The following CCDC18 variants were observed in gnomAD, a reference collection of about 807,000 sequenced individuals.
CCDC18 encodes the protein coiled-coil domain containing 18.
Under a neutral mutation model 196.0 loss-of-function variants are expected in CCDC18, and 157 were observed. The ratio of observed to expected loss-of-function variants is 0.80; its 90% CI spans 0.70 to 0.91. The LOEUF (loss-of-function observed/expected upper bound fraction) is 0.91. CCDC18 is among the 40% of genes least tolerant of loss of function. The pLI, the probability that CCDC18 is intolerant of heterozygous loss-of-function variation, is 0.00. For synonymous variants in CCDC18, 482 were observed against 529.2 expected (o/e 0.91, Z 1.22); for missense variants, 1,465 against 1,611.6 (o/e 0.91, Z 1.56).
chr1:93,266,332 G>A (rs1001953400), intron 27 of CCDC18, among the ~76,000 whole-genome samples: 2 of 152,144 alleles, frequency 1.3e-5, no homozygotes, highest in African/African-American at 4.8e-5. Context: ...ATGCCCACAA[G>A]AGAAAGCAGG....
chr1:93,180,590 G>A (rs769272707), upstream of CCDC18: 19 of 1,383,574 alleles, frequency 1.4e-5, no homozygotes, highest in Non-Finnish European at 1.8e-5. Context: ...GTCCCGGGCG[G>A]GCTCCGCTAG....
chr1:93,186,456 A>T lies in CCDC18; in HGVS notation c.415A>T (p.Thr139Ser). 1 of 1,611,114 alleles carries T rather than the reference A, an allele frequency of 6.2e-7. No homozygotes were observed. The highest frequency in any genetic ancestry group is 8.5e-7 in the Non-Finnish European group (1 of 1,178,288). ...CLVTQNHSLM[T>S]KFESIHFELT... ...GGTCACACAGAATCATTCCTTAATGACTAAATTTGAATCTATTCACTTTGA... is the reference window on the plus strand; with the variant it reads ...GGTCACACAGAATCATTCCTTAATGTCTAAATTTGAATCTATTCACTTTGA... Residue 139 changes from threonine (T) to serine (S), a missense_variant, in exon 4 of 29, where the codon ACT becomes TCT. Transcript: ENST00000690025.
At chr1:93,249,576 TC>T (rs1661959913) in intron 23 of CCDC18, among the ~76,000 whole-genome samples, 1 of 152,148 alleles carries the variant, frequency 6.6e-6, no homozygotes, top group Non-Finnish European at 1.5e-5. Flanking sequence ...AGAGACAGGG[TC>T]CCACTATGTT....
intron 9 of CCDC18, 98 bp downstream of exon 9, chr1:93,207,496 T>C: frequency 2.4e-6 from 2 of 837,434 alleles, no homozygotes; most frequent in African/African-American, 3.5e-5. Context: ...TTCTAATTTC[T>C]TTTTCTCTAT....
chr1:93,217,740 A>C lies in CCDC18; in HGVS notation c.1833A>C (p.Glu611Asp), dbSNP rs773046283. ...KNAELEQELM[E>D]KNEKIRSLET... Reference sequence around the variant, plus strand: ...TTTAAAGTGTTTTGTGTTTCTAGGAAAAGAATGAAAAGATAAGGAGTCTAG... The same window carrying C: ...TTTAAAGTGTTTTGTGTTTCTAGGACAAGAATGAAAAGATAAGGAGTCTAG... Residue 611 changes from glutamate to aspartate, a missense_variant and splice_region_variant, in exon 14 of 29, where the codon GAA becomes GAC. Glu to Asp is a conservative substitution (Grantham distance 45, BLOSUM62 2). Transcript: ENST00000690025. The C allele has an allele frequency of 6.3e-7, 1 of 1,597,852 alleles. No individual in the cohort carries two copies. Among genetic ancestry groups the C allele is most frequent in the East Asian group, 2.2e-5 (1 of 44,782 alleles).
At chr1:93,241,292 C>G (rs528833715) in intron 21 of CCDC18, among the ~76,000 whole-genome samples, 3 of 152,078 alleles carry the variant, frequency 2.0e-5, no homozygotes, top group Non-Finnish European at 2.9e-5. Context: ...TTCGTGGCCT[C>G]TTTTCTGTTA....
At position 93,207,459 on chromosome 1, in the gene CCDC18, C is replaced by CT. The variant is rs1275002614; in HGVS notation, c.1209+62dup. ...TTTTACTAAAGTGTTTTAGAAAAGACTATCATTTTGTGGTTGCTTTATTAG... is the reference window on the plus strand; with the variant it reads ...TTTTACTAAAGTGTTTTAGAAAAGACTTATCATTTTGTGGTTGCTTTATTAG... On this transcript the variant is annotated intron_variant, in intron 9 of 28. Coordinates refer to ENST00000690025, the MANE Select transcript of CCDC18 (RefSeq NM_001378204.1). 3 of 1,277,224 alleles carry CT rather than the reference C, an allele frequency of 2.3e-6. No homozygotes were observed. In the African/African-American group the frequency reaches 4.6e-5, roughly 19 times the overall value. The allele number at this position is 1,277,224 out of a possible 1,614,324, so 79.1% of individuals were successfully genotyped here.
rs370385985 is a variant in CCDC18, at chr1:93,214,944, A to T, written c.1697A>T (p.Asn566Ile). Residue 566 changes from asparagine (N) to isoleucine (I), a missense_variant, in exon 12 of 29, where the codon AAC becomes ATC. Physicochemically the swap from Asn to Ile is moderately radical, Grantham distance 149. Transcript: ENST00000690025. ...IQEELLEKAS[N>I]SSKLESEMTK... The stretch of plus-strand genomic sequence containing the variant: ...GAGGAGCTGCTAGAGAAAGCTTCAA[A>T]CTCCAGCAAACTGGAAAGTGAAGTA... The T allele has an allele frequency of 3.1e-6, 5 of 1,600,974 alleles. No individual in the cohort carries two copies. Among genetic ancestry groups the T allele is most frequent in the Non-Finnish European group, 4.3e-6 (5 of 1,172,262 alleles).
rs1418719693 is a variant in CCDC18, at chr1:93,232,550, G to C, written c.2417G>C (p.Arg806Thr). The change falls in exon 18 of 29, where the codon AGA becomes ACA. Residue 806 changes from arginine to threonine, a missense_variant. Arg to Thr is a moderately conservative substitution (Grantham distance 71). Coordinates refer to ENST00000690025, the MANE Select transcript of CCDC18 (RefSeq NM_001378204.1). ...QQQMLQQETI[R>T]NGELEDTQTK... ...CAAATGTTACAACAAGAGACAATTA[G>C]AAATGGAGAGCTAGAAGATACTCAA... 6.2e-6 allele frequency: 10 copies of C among 1,612,308 alleles called. No homozygotes were observed. The highest frequency in any genetic ancestry group is 8.5e-6 in the Non-Finnish European group (10 of 1,179,044).
At chr1:93,179,958 C>T, upstream of CCDC18, 1 of 1,357,938 alleles carries the variant, frequency 7.4e-7, no homozygotes, top group Non-Finnish European at 1.0e-6. Flanking sequence ...CTCTTCACCA[C>T]CAGGGCCGTC....
intron 26 of CCDC18, among the ~76,000 whole-genome samples, chr1:93,262,726 A>G (rs1359679358): frequency 6.6e-6 from 1 of 152,156 alleles, no homozygotes; most frequent in African/African-American, 2.4e-5. Flanking sequence ...TCTGGGGTCT[A>G]GAGAATGGTG....
chr1:93,188,990 T>C (rs1206081081), intron 4 of CCDC18, among the ~76,000 whole-genome samples: 3 of 152,156 alleles, frequency 2.0e-5, no homozygotes, highest in African/African-American at 2.4e-5. Context: ...CCAGTTAAAC[T>C]CTTAGTTATT....
At chr1:93,208,905 C>G (rs1433484016) in intron 9 of CCDC18, among the ~76,000 whole-genome samples, 1 of 151,716 alleles carries the variant, frequency 6.6e-6, no homozygotes. Flanking sequence ...AATTCGTGAT[C>G]CCCCTGCCTT....
chr1:93,253,636 A>C (rs1662554265), intron 23 of CCDC18, among the ~76,000 whole-genome samples: 1 of 152,216 alleles, frequency 6.6e-6, no homozygotes, highest in South Asian at 2.1e-4. Flanking sequence ...CAGAGTCACC[A>C]GGCAATTTTC....
intron 18 of CCDC18, among the ~76,000 whole-genome samples, chr1:93,233,691 C>T (rs147165099): frequency 0.025 from 3,775 of 152,148 alleles, 131 homozygotes; most frequent in African/African-American, 0.081. Flanking sequence ...CTCCGCCTCC[C>T]GGGTTCAAGC....
At chr1:93,231,526 G>T (rs770929868) in intron 17 of CCDC18, among the ~76,000 whole-genome samples, 1 of 152,052 alleles carries the variant, frequency 6.6e-6, no homozygotes, top group Non-Finnish European at 1.5e-5. Context: ...GGTAGGAGAT[G>T]AAGAATATTA....
Position 93,219,581 on chromosome 1 carries a change from A to T in CCDC18, c.1962+1712A>T, listed in dbSNP as rs1264101841. Among the ~76,000 whole-genome samples, 3 of 152,380 alleles carry T rather than the reference A, an allele frequency of 2.0e-5. No individual in the cohort carries two copies. The East Asian group carries it at 5.8e-4, about 29-fold the overall frequency. On this transcript the variant is annotated intron_variant, in intron 14 of 28. Transcript: ENST00000690025. ...GCTTATACAGCATGGAAAATGGATC[A>T]TTCTTGTCCAGAGCTGGACATAGTG...
intron 1 of CCDC18, among the ~76,000 whole-genome samples, chr1:93,182,077 G>A (rs575859148): frequency 1.3e-5 from 2 of 152,336 alleles, no homozygotes; most frequent in South Asian, 4.1e-4. Flanking sequence ...AGGTAAAGCA[G>A]GATGGGGACC....
At chr1:93,264,032 T>G (rs631966) in intron 26 of CCDC18, among the ~76,000 whole-genome samples, 43,522 of 151,880 alleles carry the variant, frequency 0.29, 9,451 homozygotes, top group African/African-American at 0.61. Context: ...CCACATGGCT[T>G]GGGAGGCCTC....
Sources: allele counts gnomAD v4.1 joint callset (sites outside exome capture counted in the v4.1 genomes callset), GRCh38; gene constraint gnomAD v4.1.1; transcripts MANE v1.5; gene names NCBI Gene and HGNC (gene_info 2026-07-23, HGNC 2026-07-21).